PIK3CB: variants seen among roughly 807,000 people sequenced by gnomAD.
PIK3CB encodes phosphatidylinositol 4,5-bisphosphate 3-kinase catalytic subunit beta isoform.
PIK3CB carries 39 observed loss-of-function variants against 136.8 expected under a neutral mutation model. The ratio of observed to expected loss-of-function variants is 0.29; its 90% CI spans 0.22 to 0.37. PIK3CB has a LOEUF of 0.37. Ranked by LOEUF, PIK3CB falls within the 10% of genes least tolerant of loss-of-function variation. The pLI, the probability that PIK3CB is intolerant of heterozygous loss-of-function variation, is 1.00. For missense variants in PIK3CB, 868 were observed against 1,275.4 expected (o/e 0.68, Z 4.87); for synonymous variants, 428 against 436.6 (o/e 0.98, Z 0.25).
intron 4 of PIK3CB, among the ~76,000 whole-genome samples, chr3:138,747,415 TTA>T (rs1445717622): frequency 6.6e-6 from 1 of 152,066 alleles, no homozygotes; most frequent in Non-Finnish European, 1.5e-5. Context: ...GTGGAGATGA[TTA>T]GAGTCACATG....
chr3:138,763,431 C>T (rs2045689783), intron 2 of PIK3CB, among the ~76,000 whole-genome samples: 1 of 152,140 alleles, frequency 6.6e-6, no homozygotes, highest in South Asian at 2.1e-4. Flanking sequence ...GCCACCGTGC[C>T]CGGCCCAGAA....
intron 8 of PIK3CB, among the ~76,000 whole-genome samples, chr3:138,720,812 G>A (rs746491623): frequency 1.3e-5 from 2 of 152,128 alleles, no homozygotes; most frequent in African/African-American, 4.8e-5. Context: ...AGGTTGCAGT[G>A]AGCAGAGATT....
chr3:138,715,160 C>A (rs979586434), intron 8 of PIK3CB, among the ~76,000 whole-genome samples: 1 of 152,146 alleles, frequency 6.6e-6, no homozygotes, highest in Non-Finnish European at 1.5e-5. Context: ...TCCAAAGTTT[C>A]TTTCTACTTC....
At position 138,694,899 on chromosome 3, in the gene PIK3CB, C is replaced by T. The variant is rs61755419; in HGVS notation, c.1779G>A (p.Ala593=). The change falls in exon 14 of 24, where the codon GCG becomes GCA. Residue 593 remains alanine (A), a synonymous_variant. Transcript: ENST00000674063. Reference sequence around the variant, plus strand: ...GCAGTTTAGGCCAAATCTGAAGCAGCGCCTGAAGCTGTTTAAAAAATGAAA... The same window carrying T: ...GCAGTTTAGGCCAAATCTGAAGCAGTGCCTGAAGCTGTTTAAAAAATGAAA... ...NKLEDVAQLQ[A]LLQIWPKLPP... 6.3e-6 allele frequency: 10 copies of T among 1,586,368 alleles called. No individual in the cohort carries two copies. The highest frequency in any genetic ancestry group is 8.5e-6 in the Non-Finnish European group (10 of 1,171,592).
At chr3:138,804,918 G>A (rs543656490) in intron 1 of PIK3CB, among the ~76,000 whole-genome samples, 97 of 152,122 alleles carry the variant, frequency 6.4e-4, no homozygotes, top group African/African-American at 2.0e-3. Context: ...CCAGCTACTC[G>A]GAAAGCTGAG....
At chr3:138,798,337 G>T (rs78156225) in intron 1 of PIK3CB, among the ~76,000 whole-genome samples, 1 of 152,000 alleles carries the variant, frequency 6.6e-6, no homozygotes, top group African/African-American at 2.4e-5. Flanking sequence ...GCTAATTTTT[G>T]TATTTTTAGT....
At chr3:138,694,652 G>T in intron 14 of PIK3CB, 134 bp downstream of exon 14, 1 of 888,290 alleles carries the variant, frequency 1.1e-6, no homozygotes, top group South Asian at 2.1e-5. Flanking sequence ...GCTGGCAGGA[G>T]TACATGAGCA....
chr3:138,722,125 GGGT>G, intron 8 of PIK3CB, among the ~76,000 whole-genome samples: 1 of 103,314 alleles, frequency 9.7e-6, no homozygotes, highest in African/African-American at 3.6e-5. Context: ...TCTTGCTACT[GGGT>G]GTTTTTTTTT....
chr3:138,826,077 A>C, intron 1 of PIK3CB: 1 of 1,090,798 alleles, frequency 9.2e-7, no homozygotes, highest in South Asian at 1.3e-5. Context: ...AAGGAAAAAG[A>C]TTGATCACCA....
At chr3:138,692,308 A>C (rs2044026705) in intron 14 of PIK3CB, among the ~76,000 whole-genome samples, 1 of 152,178 alleles carries the variant, frequency 6.6e-6, no homozygotes, top group South Asian at 2.1e-4. Context: ...AAAAACTCAT[A>C]ACCAGAAATT....
rs140566422 is a variant in PIK3CB at position 138,658,917 on chromosome 3, A to T, written c.2797-1082T>A. Among the ~76,000 whole-genome samples the T allele has an allele frequency of 2.0e-3, 312 of 152,292 alleles. 2 individuals are homozygous for T. Among genetic ancestry groups the T allele is most frequent in the South Asian group, 9.8e-3 (47 of 4,816 alleles). On this transcript the variant is annotated intron_variant, in intron 21 of 23. Coordinates refer to ENST00000674063, the MANE Select transcript of PIK3CB (RefSeq NM_006219.3). ...TGTTTTCCAGACAGTCAGGTAATCT[A>T]CTGGTTTCTAGCTGGGCTGGTTGTT...
chr3:138,747,074 A>T (rs1403222762), intron 4 of PIK3CB, among the ~76,000 whole-genome samples: 1 of 47,658 alleles, frequency 2.1e-5, no homozygotes, highest in Non-Finnish European at 4.1e-5. Flanking sequence ...ATATATATAT[A>T]TATATATATA....
At chr3:138,699,860 A>G (rs1026918337) in intron 12 of PIK3CB, among the ~76,000 whole-genome samples, 1 of 152,074 alleles carries the variant, frequency 6.6e-6, no homozygotes, top group African/African-American at 2.4e-5. Context: ...TTCTCCAAGG[A>G]GCACTTACTT....
At chr3:138,833,600 A>C (rs1433702473) in intron 1 of PIK3CB, among the ~76,000 whole-genome samples, 1 of 152,174 alleles carries the variant, frequency 6.6e-6, no homozygotes, top group Admixed American at 6.6e-5. Flanking sequence ...CAGTGCTTCA[A>C]AATAAGTACT....
chr3:138,696,798 T>A (rs1471671386), intron 13 of PIK3CB, among the ~76,000 whole-genome samples: 1 of 152,228 alleles, frequency 6.6e-6, no homozygotes, highest in Non-Finnish European at 1.5e-5. Context: ...CCAGCAGTCT[T>A]CTTTATGAGC....
chr3:138,746,044 C>T (rs1057304941), intron 4 of PIK3CB, among the ~76,000 whole-genome samples: 10 of 151,690 alleles, frequency 6.6e-5, no homozygotes, highest in Non-Finnish European at 1.0e-4. Flanking sequence ...GTCAGGGGTT[C>T]GAGACCAGCC....
intron 19 of PIK3CB, among the ~76,000 whole-genome samples, chr3:138,667,124 G>C (rs1052700457): frequency 6.7e-6 from 1 of 149,068 alleles, no homozygotes; most frequent in African/African-American, 2.5e-5. Flanking sequence ...CAGGAGAATC[G>C]CTTGAACCCA....
intron 11 of PIK3CB, among the ~76,000 whole-genome samples, chr3:138,705,227 A>G (rs1389283743): frequency 6.8e-6 from 1 of 147,812 alleles, no homozygotes; most frequent in Non-Finnish European, 1.5e-5. Context: ...ATAGGAGGCT[A>G]TATTTGTAAA....
intron 4 of PIK3CB, among the ~76,000 whole-genome samples, chr3:138,754,859 T>C (rs2045536374): frequency 6.6e-6 from 1 of 152,224 alleles, no homozygotes; most frequent in Non-Finnish European, 1.5e-5. Context: ...AAATCTCCAG[T>C]GGATTTTCTG....
Sources: allele counts gnomAD v4.1 joint callset (sites outside exome capture counted in the v4.1 genomes callset), GRCh38; gene constraint gnomAD v4.1.1; transcripts MANE v1.5; gene names NCBI Gene and HGNC (gene_info 2026-07-23, HGNC 2026-07-21).